The following ROR1 variants were observed in gnomAD, a reference collection of about 807,000 sequenced individuals.
ROR1 encodes the protein ROR family WNT receptor 1, also known as inactive tyrosine-protein kinase transmembrane receptor ROR1.
ROR1 carries 19 observed loss-of-function variants against 78.8 expected under a neutral mutation model. The ratio of observed to expected loss-of-function variants is 0.24; its 90% confidence interval spans 0.17 to 0.35. The LOEUF is 0.35. Ranked by LOEUF, ROR1 falls within the 10% of genes least tolerant of loss-of-function variation. The pLI, the probability that ROR1 is intolerant of heterozygous loss-of-function variation, is 1.00. For missense variants in ROR1, 917 were observed against 1,177.8 expected (o/e 0.78, Z 3.24); for synonymous variants, 386 against 433.6 (o/e 0.89, Z 1.36).
intron 1 of ROR1, among the ~76,000 whole-genome samples, chr1:63,891,589 T>G (rs1480197589): frequency 6.6e-6 from 1 of 152,136 alleles, no homozygotes; most frequent in Non-Finnish European, 1.5e-5. Flanking sequence ...TGTGAAGATT[T>G]CCAGAAGAAA....
Position 63,923,392 on chromosome 1 carries a change from C to T in ROR1, c.92-85913C>T, listed in dbSNP as rs138082883. ...GCAAGTGGGAATAAGGATAGTACTC[C>T]GTTCTCTGAGTTGTGAGGGTTAATT... On this transcript the variant is annotated intron_variant, in intron 1 of 8. Coordinates refer to ENST00000371079, the MANE Select transcript of ROR1 (RefSeq NM_005012.4). Among the ~76,000 whole-genome samples the T allele has an allele frequency of 6.6e-4, 101 of 152,158 alleles. 2 individuals are homozygous for T. The highest frequency in any genetic ancestry group is 2.2e-3 in the Admixed American group (33 of 15,226).
intron 2 of ROR1, among the ~76,000 whole-genome samples, chr1:64,038,851 C>A (rs1300838724): frequency 2.0e-5 from 3 of 152,140 alleles, no homozygotes; most frequent in African/African-American, 7.2e-5. Flanking sequence ...GGAGCCACAG[C>A]AAATGAAAAA....
intron 1 of ROR1, among the ~76,000 whole-genome samples, chr1:63,998,179 A>T (rs957969518): frequency 6.6e-6 from 1 of 152,156 alleles, no homozygotes; most frequent in African/African-American, 2.4e-5. Context: ...CCCTCTCAAG[A>T]AGTTTACTGT....
intron 2 of ROR1, among the ~76,000 whole-genome samples, chr1:64,024,269 T>A (rs1397002576): frequency 6.6e-6 from 1 of 152,048 alleles, no homozygotes; most frequent in East Asian, 1.9e-4. Flanking sequence ...TCACCTAAGG[T>A]CAGGATTTCG....
chr1:63,803,580 G>A (rs1436501264), intron 1 of ROR1, among the ~76,000 whole-genome samples: 1 of 152,256 alleles, frequency 6.6e-6, no homozygotes, highest in African/African-American at 2.4e-5. Flanking sequence ...TCCTGACCTC[G>A]TGATCTACCC....
At chr1:63,954,240 C>T (rs1645963826) in intron 1 of ROR1, among the ~76,000 whole-genome samples, 1 of 152,186 alleles carries the variant, frequency 6.6e-6, no homozygotes, top group Non-Finnish European at 1.5e-5. Flanking sequence ...GTCAGTGTGC[C>T]TACATTCCAC....
intron 4 of ROR1, among the ~76,000 whole-genome samples, chr1:64,119,351 T>C (rs1228550517): frequency 2.0e-5 from 3 of 152,176 alleles, no homozygotes; most frequent in African/African-American, 7.2e-5. Flanking sequence ...TTAAAAGTGA[T>C]GGCTGGCAGC....
intron 4 of ROR1, among the ~76,000 whole-genome samples, chr1:64,129,994 G>A (rs1648853901): frequency 6.6e-6 from 1 of 151,940 alleles, no homozygotes; most frequent in South Asian, 2.1e-4. Context: ...TGTTTTAATA[G>A]CCAAGGGAAA....
chr1:63,989,162 G>GTTTTTTTTTT lies in ROR1; in HGVS notation c.92-20138_92-20137insTTTTTTTTTT, dbSNP rs1287163623. On this transcript the variant is annotated intron_variant, in intron 1 of 8. Transcript: ENST00000371079. Reference sequence around the variant, plus strand: ...TTTTTGCCAACACTTGTCATTTTCTGTTTTTGTTTTTTTTTTTTTTTAAAC... The same window carrying GTTTTTTTTTT: ...TTTTTGCCAACACTTGTCATTTTCTGTTTTTTTTTTTTTTTGTTTTTTTTTTTTTTTAAAC... 6.1e-4 allele frequency among the ~76,000 whole-genome samples: 72 copies of GTTTTTTTTTT among 117,390 alleles called. 2 individuals carry two copies. Among genetic ancestry groups the GTTTTTTTTTT allele is most frequent in the African/African-American group, 1.9e-3 (65 of 34,540 alleles). The allele number at this position is 117,390 out of a possible 152,430, so 77.0% of individuals were successfully genotyped here.
At chr1:63,779,047 G>A (rs1412851343) in intron 1 of ROR1, among the ~76,000 whole-genome samples, 1 of 152,136 alleles carries the variant, frequency 6.6e-6, no homozygotes, top group African/African-American at 2.4e-5. Context: ...ATTTCCCTTC[G>A]AGTGCTGGAG....
intron 1 of ROR1, among the ~76,000 whole-genome samples, chr1:63,853,277 A>C (rs1645125583): frequency 6.6e-6 from 1 of 152,194 alleles, no homozygotes; most frequent in South Asian, 2.1e-4. Flanking sequence ...AAACTTGAGA[A>C]CACACTACAT....
chr1:64,131,777 G>A (rs933733239), intron 4 of ROR1, among the ~76,000 whole-genome samples: 1 of 151,974 alleles, frequency 6.6e-6, no homozygotes, highest in Non-Finnish European at 1.5e-5. Context: ...ACCATGCCCT[G>A]CTAATTTTTT....
chr1:63,808,974 C>T (rs543185846), intron 1 of ROR1, among the ~76,000 whole-genome samples: 37 of 151,952 alleles, frequency 2.4e-4, no homozygotes, highest in African/African-American at 8.5e-4. Flanking sequence ...TCAGCGTGGA[C>T]CTTGGGGCTA....
intron 1 of ROR1, among the ~76,000 whole-genome samples, chr1:63,973,299 CAGA>C (rs1646133371): frequency 6.6e-6 from 1 of 152,174 alleles, no homozygotes; most frequent in Non-Finnish European, 1.5e-5. Flanking sequence ...GATCTCTGGG[CAGA>C]AGATCAAACG....
intron 1 of ROR1, among the ~76,000 whole-genome samples, chr1:63,962,589 A>G (rs1048044400): frequency 6.6e-6 from 1 of 152,192 alleles, no homozygotes; most frequent in Non-Finnish European, 1.5e-5. Flanking sequence ...TGATGATTTA[A>G]CTGCATCTCA....
At chr1:64,065,812 G>C (rs925682564) in intron 4 of ROR1, among the ~76,000 whole-genome samples, 1 of 152,206 alleles carries the variant, frequency 6.6e-6, no homozygotes, top group African/African-American at 2.4e-5. Flanking sequence ...AAGACTCATA[G>C]TTTCAGAGCA....
At chr1:64,043,335 G>A (rs569939036) in intron 2 of ROR1, among the ~76,000 whole-genome samples, 68 of 152,280 alleles carry the variant, frequency 4.5e-4, no homozygotes, top group African/African-American at 1.2e-3. Context: ...ATCAACCAGC[G>A]TTTATTAAAT....
chr1:64,168,508 C>T (rs149461057), intron 8 of ROR1, among the ~76,000 whole-genome samples: 10 of 152,198 alleles, frequency 6.6e-5, no homozygotes, highest in African/African-American at 1.9e-4. Flanking sequence ...CATGGCCCCT[C>T]ATATAGTAGT....
chr1:64,176,099 A>G (rs1650370857), intron 8 of ROR1, among the ~76,000 whole-genome samples: 1 of 152,260 alleles, frequency 6.6e-6, no homozygotes. Context: ...ATATAACATT[A>G]TAGACATTTA....
Sources: allele counts gnomAD v4.1 joint callset (sites outside exome capture counted in the v4.1 genomes callset), GRCh38; gene constraint gnomAD v4.1.1; transcripts MANE v1.5; gene names NCBI Gene and HGNC (gene_info 2026-07-23, HGNC 2026-07-21).